ERBIN: variants seen among roughly 807,000 people sequenced by gnomAD.
ERBIN encodes erbb2 interacting protein.
Under a neutral mutation model 158.4 loss-of-function variants are expected in ERBIN, and 60 were observed. The observed-to-expected ratio is 0.38, with a 90% confidence interval of 0.31 to 0.47. The LOEUF is 0.47. Ranked by LOEUF, ERBIN falls within the 20% of genes least tolerant of loss-of-function variation. The pLI is 0.99. For synonymous variants in ERBIN, 594 were observed against 557.2 expected, an observed-to-expected ratio of 1.07 and a Z score of -0.93; for missense variants, 1,610 against 1,648.0, an observed-to-expected ratio of 0.98 and a Z score of 0.40.
intron 1 of ERBIN, among the ~76,000 whole-genome samples, chr5:65,929,167 A>T (rs1305620963): frequency 6.6e-6 from 1 of 152,236 alleles, no homozygotes; most frequent in Non-Finnish European, 1.5e-5. Flanking sequence ...CTGTTTCTTA[A>T]TGAAGTGATA....
At chr5:65,979,877 A>T (rs1007097188) in intron 1 of ERBIN, among the ~76,000 whole-genome samples, 1 of 152,228 alleles carries the variant, frequency 6.6e-6, no homozygotes, top group Non-Finnish European at 1.5e-5. Context: ...TATAGTATGT[A>T]TCAGTAAAAT....
Position 66,024,384 on chromosome 5 carries a change from A to G in ERBIN, c.751A>G (p.Thr251Ala). 1 of 1,607,010 alleles carries G rather than the reference A, an allele frequency of 6.2e-7. No individual in the cohort carries two copies. Among genetic ancestry groups the G allele is most frequent in the Non-Finnish European group, 8.5e-7 (1 of 1,177,160 alleles). Residue 251 changes from threonine (T) to alanine (A), a missense_variant, in exon 10 of 26, where the codon ACA becomes GCA. Transcript: ENST00000284037. ...TGAAATGGTTGAAGAAGGAATTTCA[A>G]CATGTGAAAACCTTCAAGACCTCCT... The part of the protein sequence containing the change: ...NIEMVEEGIS[T>A]CENLQDLLLS...
intron 1 of ERBIN, among the ~76,000 whole-genome samples, chr5:65,954,937 C>T (rs904676141): frequency 2.6e-5 from 4 of 151,722 alleles, no homozygotes; most frequent in Non-Finnish European, 4.4e-5. Context: ...TGGTGGTGGG[C>T]GCATGTAATC....
intron 1 of ERBIN, among the ~76,000 whole-genome samples, chr5:65,960,150 G>T (rs1386485106): frequency 6.6e-6 from 1 of 152,202 alleles, no homozygotes; most frequent in African/African-American, 2.4e-5. Flanking sequence ...ATACTGCTCC[G>T]CAGTCAAAAA....
intron 17 of ERBIN, among the ~76,000 whole-genome samples, chr5:66,045,006 G>A (rs1758287906): frequency 6.6e-6 from 1 of 152,048 alleles, no homozygotes; most frequent in Non-Finnish European, 1.5e-5. Flanking sequence ...CTGGAGGCCA[G>A]GAGTTCAAGA....
intron 17 of ERBIN, among the ~76,000 whole-genome samples, chr5:66,045,158 G>A (rs1472905430): frequency 6.6e-6 from 1 of 152,040 alleles, no homozygotes; most frequent in African/African-American, 2.4e-5. Context: ...GTTCAAGGCT[G>A]CAGTGAGCTA....
At chr5:65,963,957 G>A (rs1404463426) in intron 1 of ERBIN, among the ~76,000 whole-genome samples, 2 of 151,852 alleles carry the variant, frequency 1.3e-5, no homozygotes, top group Admixed American at 1.3e-4. Context: ...CTGCCACCAT[G>A]CTTGGCTAAT....
In ERBIN at chr5:65,987,367, TAC is replaced by T. The variant is rs56222591; in HGVS notation, c.-57-1241_-57-1240del. On this transcript the variant is annotated intron_variant, in intron 1 of 25. Transcript: ENST00000284037. ...TTGGGCAACATAGTGAGAGACTGTC[TAC>T]ACACACACACACACACACACACACA... Among the ~76,000 whole-genome samples the T allele has an allele frequency of 1.4e-3, 190 of 135,782 alleles. 1 individual carries two copies. In the South Asian group the frequency reaches 0.015, roughly 11 times the overall value. 89.1% of individuals were successfully genotyped at this position (135,782 alleles called of 152,430 possible). A position where few individuals can be genotyped will look rare whatever the true frequency, so the allele number is the denominator to read the frequency against.
chr5:65,967,225 G>A (rs899136060), intron 1 of ERBIN, among the ~76,000 whole-genome samples: 1 of 151,954 alleles, frequency 6.6e-6, no homozygotes, highest in Non-Finnish European at 1.5e-5. Context: ...ATAAGCTAAG[G>A]TTTATTATTA....
chr5:65,966,703 AAAAAAAG>A (rs1361468125), intron 1 of ERBIN, among the ~76,000 whole-genome samples: 21 of 148,642 alleles, frequency 1.4e-4, no homozygotes, highest in African/African-American at 4.6e-4. Flanking sequence ...AAAAAAAAAA[AAAAAAAG>A]GTAACTGTAA....
At chr5:66,051,894 CAAAA>C (rs35074022) in intron 20 of ERBIN, among the ~76,000 whole-genome samples, 1 of 138,790 alleles carries the variant, frequency 7.2e-6, no homozygotes, top group Non-Finnish European at 1.5e-5. Context: ...GGCCTTGTCT[CAAAA>C]AAAAAAAAAA....
At chr5:65,928,595 A>G (rs188286200) in intron 1 of ERBIN, among the ~76,000 whole-genome samples, 16 of 152,256 alleles carry the variant, frequency 1.1e-4, no homozygotes, top group African/African-American at 3.6e-4. Context: ...TTAAGCCTCT[A>G]TTTTTAGATT....
At chr5:66,060,639 C>T (rs1410522271) in intron 21 of ERBIN, among the ~76,000 whole-genome samples, 1 of 152,104 alleles carries the variant, frequency 6.6e-6, no homozygotes, top group Admixed American at 6.5e-5. Context: ...GTTAGGGTGT[C>T]AATTTTAGAT....
At chr5:65,997,106 T>C (rs1275830062) in intron 4 of ERBIN, among the ~76,000 whole-genome samples, 1 of 152,174 alleles carries the variant, frequency 6.6e-6, no homozygotes, top group Admixed American at 6.5e-5. Context: ...TTTGGAATCC[T>C]TTTATTTCTT....
Position 65,946,689 on chromosome 5 carries a change from A to G in ERBIN, c.-58+19883A>G, listed in dbSNP as rs1029242564. 3.9e-5 allele frequency among the ~76,000 whole-genome samples: 6 copies of G among 152,296 alleles called. No individual in the cohort carries two copies. The East Asian group carries it at 1.2e-3, about 29-fold the overall frequency. ...TGCGGTGTATCGGATAGAAACTGCC[A>G]AAGAGTGTTTTCCATAGTGGTTGTA... On this transcript the variant is annotated intron_variant, in intron 1 of 25. Transcript: ENST00000284037.
intron 14 of ERBIN, among the ~76,000 whole-genome samples, chr5:66,035,867 G>A (rs149388172): frequency 6.8e-4 from 103 of 152,296 alleles, no homozygotes; most frequent in African/African-American, 2.1e-3. Flanking sequence ...GTCAAGGCAG[G>A]AGGCTTGCTT....
intron 21 of ERBIN, among the ~76,000 whole-genome samples, chr5:66,061,356 G>T (rs570822547): frequency 6.6e-6 from 1 of 152,074 alleles, no homozygotes; most frequent in Admixed American, 6.5e-5. Flanking sequence ...CGGAGACTAG[G>T]ATTGCAACCC....
chr5:66,026,919 AGTCT>A (rs1207347802), intron 13 of ERBIN, among the ~76,000 whole-genome samples: 2 of 152,018 alleles, frequency 1.3e-5, no homozygotes, highest in Non-Finnish European at 2.9e-5. Flanking sequence ...GAATGTATCT[AGTCT>A]GTTGCTAATA....
At chr5:66,046,273 G>C in intron 17 of ERBIN, 80 bp from the exon 18 acceptor site, 2 of 854,694 alleles carry the variant, frequency 2.3e-6, no homozygotes, top group Non-Finnish European at 3.4e-6. Flanking sequence ...TTGGCAAATT[G>C]CTTACAAATT....
Sources: gnomAD v4.1 joint callset for allele counts (sites outside exome capture counted in the v4.1 genomes callset) on GRCh38, gnomAD v4.1.1 for gene constraint, MANE v1.5 for transcripts, NCBI Gene and HGNC (gene_info 2026-07-23, HGNC 2026-07-21) for gene names.